SMG6: variants seen among roughly 807,000 people sequenced by gnomAD.
SMG6 encodes telomerase-binding protein EST1A.
Under a neutral mutation model 142.2 loss-of-function variants are expected in SMG6, and 66 were observed. That is an observed-to-expected ratio of 0.46 (90% confidence interval 0.38 to 0.57). The LOEUF is 0.57. SMG6 is among the 20% of genes least tolerant of loss of function. The pLI is 0.00. For synonymous variants in SMG6, 779 were observed against 702.4 expected, an observed-to-expected ratio of 1.11 and a Z score of -1.72; for missense variants, 1,793 against 1,832.0, an observed-to-expected ratio of 0.98 and a Z score of 0.39.
intron 13 of SMG6, among the ~76,000 whole-genome samples, chr17:2,166,408 G>T (rs1163023882): frequency 6.6e-6 from 1 of 152,084 alleles, no homozygotes; most frequent in Admixed American, 6.6e-5. Flanking sequence ...ATTATATTTT[G>T]GGGGAAAAAA....
At chr17:2,152,527 A>G (rs1183576048) in intron 13 of SMG6, among the ~76,000 whole-genome samples, 1 of 152,266 alleles carries the variant, frequency 6.6e-6, no homozygotes, top group Non-Finnish European at 1.5e-5. Flanking sequence ...CCGATTTAAC[A>G]ATAGGCAAAA....
chr17:2,228,151 C>A (rs1047970637), intron 10 of SMG6, among the ~76,000 whole-genome samples: 2 of 152,196 alleles, frequency 1.3e-5, no homozygotes, highest in African/African-American at 4.8e-5. Context: ...ATAACCTCCA[C>A]CTCCTGGGTT....
intron 13 of SMG6, among the ~76,000 whole-genome samples, chr17:2,103,478 C>T (rs1444307680): frequency 6.6e-6 from 1 of 152,196 alleles, no homozygotes; most frequent in African/African-American, 2.4e-5. Context: ...GAGGAAGAAA[C>T]AGCGGACCAG....
chr17:2,254,701 C>A (rs2151320463), intron 8 of SMG6, among the ~76,000 whole-genome samples: 1 of 152,248 alleles, frequency 6.6e-6, no homozygotes, highest in South Asian at 2.1e-4. Flanking sequence ...CTTCCTCACA[C>A]ATGGACCCAT....
At chr17:2,142,188 A>G (rs2070502065) in intron 13 of SMG6, among the ~76,000 whole-genome samples, 2 of 152,182 alleles carry the variant, frequency 1.3e-5, no homozygotes. Flanking sequence ...AAATGTCTTT[A>G]TAACACCAAA....
At chr17:2,083,478 G>A (rs1299593134) in intron 14 of SMG6, among the ~76,000 whole-genome samples, 1 of 152,214 alleles carries the variant, frequency 6.6e-6, no homozygotes, top group Non-Finnish European at 1.5e-5. Context: ...GCAGTTTGGG[G>A]AGAGATGAGA....
At chr17:2,065,260 C>CA in intron 17 of SMG6, 106 bp from the exon 18 acceptor site, 1 of 1,069,654 alleles carries the variant, frequency 9.3e-7, no homozygotes, top group Non-Finnish European at 1.4e-6. Flanking sequence ...GCCACCTCCC[C>CA]GATCCCTCCC....
At chr17:2,273,108 G>A (rs756891748) in intron 8 of SMG6, among the ~76,000 whole-genome samples, 2 of 152,260 alleles carry the variant, frequency 1.3e-5, no homozygotes, top group Non-Finnish European at 2.9e-5. Flanking sequence ...ATGTGTATTA[G>A]ATAAGCCTCA....
At chr17:2,263,312 T>C (rs1481193198) in intron 8 of SMG6, among the ~76,000 whole-genome samples, 2 of 152,202 alleles carry the variant, frequency 1.3e-5, no homozygotes, top group Non-Finnish European at 2.9e-5. Flanking sequence ...GCAATCCTTC[T>C]CTAGGTCTCT....
At chr17:2,073,644 G>C (rs2068173530) in intron 15 of SMG6, among the ~76,000 whole-genome samples, 1 of 148,638 alleles carries the variant, frequency 6.7e-6, no homozygotes, top group South Asian at 2.1e-4. Context: ...AGGCAGCAGA[G>C]GTTGCTGTGA....
rs114320548 is a variant in SMG6, at chr17:2,080,586, T to C, written c.3681+1224A>G. On this transcript the variant is annotated intron_variant, in intron 15 of 18. Coordinates refer to ENST00000263073, the MANE Select transcript of SMG6 (RefSeq NM_017575.5). ...AGTGCTTTACATACACTGTCTCGTG[T>C]AGGCCTCACAGTGACTCTGAGAGAT... Among the ~76,000 whole-genome samples the C allele has an allele frequency of 1.9e-3, 296 of 152,272 alleles. 3 individuals are homozygous for C. The highest frequency in any genetic ancestry group is 6.8e-3 in the African/African-American group (281 of 41,552).
chr17:2,277,178 T>A (rs954840588), intron 8 of SMG6, among the ~76,000 whole-genome samples: 12 of 130,666 alleles, frequency 9.2e-5, no homozygotes, highest in East Asian at 2.0e-4. Flanking sequence ...TTTTATTTTT[T>A]TTTTTTTTGA....
At chr17:2,288,441 G>T (rs2074955222) in intron 6 of SMG6, among the ~76,000 whole-genome samples, 1 of 151,818 alleles carries the variant, frequency 6.6e-6, no homozygotes, top group Non-Finnish European at 1.5e-5. Flanking sequence ...GCAACATAGT[G>T]AAACCAAATC....
At chr17:2,202,364 C>T (rs1165696148) in intron 10 of SMG6, among the ~76,000 whole-genome samples, 2 of 152,078 alleles carry the variant, frequency 1.3e-5, no homozygotes, top group Admixed American at 6.6e-5. Flanking sequence ...GCCTGAGCAA[C>T]ACAGTGAGAC....
intron 13 of SMG6, among the ~76,000 whole-genome samples, chr17:2,098,050 G>A (rs1004682856): frequency 3.3e-5 from 5 of 152,084 alleles, no homozygotes; most frequent in African/African-American, 9.7e-5. Context: ...GTACAGTGAC[G>A]AGATCATGGT....
chr17:2,088,289 G>T, intron 13 of SMG6: 1 of 985,412 alleles, frequency 1.0e-6, no homozygotes, highest in Non-Finnish European at 1.2e-6. Context: ...GTGGATGTGG[G>T]ACTCCTGGAG....
At chr17:2,203,485 C>T (rs2072592187) in intron 10 of SMG6, among the ~76,000 whole-genome samples, 1 of 152,168 alleles carries the variant, frequency 6.6e-6, no homozygotes, top group Non-Finnish European at 1.5e-5. Flanking sequence ...AAGCTTGCCT[C>T]TCTCCCAGTA....
At chr17:2,148,108 T>G (rs1001922356) in intron 13 of SMG6, among the ~76,000 whole-genome samples, 1 of 151,932 alleles carries the variant, frequency 6.6e-6, no homozygotes, top group Admixed American at 6.6e-5. Flanking sequence ...GGACGATCGT[T>G]TGAGCCCAGG....
At chr17:2,258,008 CAAAAAA>C (rs869066817) in intron 8 of SMG6, among the ~76,000 whole-genome samples, 28 of 26,614 alleles carry the variant, frequency 1.1e-3, no homozygotes, top group Non-Finnish European at 1.4e-3. Context: ...GACTCTGTCG[CAAAAAA>C]AAAAAAAAAA....
Sources: gnomAD v4.1 joint callset for allele counts (sites outside exome capture counted in the v4.1 genomes callset) on GRCh38, gnomAD v4.1.1 for gene constraint, MANE v1.5 for transcripts, NCBI Gene and HGNC (gene_info 2026-07-23, HGNC 2026-07-21) for gene names.